Variants in CD8B2 observed in about 807,000 individuals in gnomAD.
CD8B2 encodes the protein T-cell surface glycoprotein CD8 beta-2 chain.
In CD8B2, 11 loss-of-function variants were observed where a neutral mutation model predicts 23.7. That is an observed-to-expected ratio of 0.46 (90% CI 0.29 to 0.77). CD8B2 has a LOEUF of 0.77. CD8B2 is among the 30% of genes least tolerant of loss of function. CD8B2 has a pLI of 0.09. For missense variants in CD8B2, 197 were observed against 270.5 expected, an observed-to-expected ratio of 0.73 and a Z score of 1.91; for synonymous variants, 90 against 109.3, an observed-to-expected ratio of 0.82 and a Z score of 1.10.
chr2:106,490,941 G>A lies in CD8B2; in HGVS notation c.111G>A (p.Val37=). 6.2e-7 allele frequency: 1 copy of A among 1,613,620 alleles called. No homozygotes were observed. Among genetic ancestry groups the A allele is most frequent in the African/African-American group, 1.3e-5 (1 of 75,054 alleles). The stretch of plus-strand genomic sequence containing the variant: ...TAAAGGTGCAAACCAACAAGATGGT[G>A]ATGCTGTCCTGCGAGGCTAAAATCT... ...AYIKVQTNKM[V]MLSCEAKISL... is the part of the protein sequence containing the mutation. Residue 37 remains valine (V), a synonymous_variant, in exon 2 of 6, where the codon GTG becomes GTA. Coordinates refer to ENST00000643224, the MANE Select transcript of CD8B2 (RefSeq NM_001349727.2).
At chr2:106,502,912 A>C (rs1358235560) in intron 4 of CD8B2, among the ~76,000 whole-genome samples, 1 of 151,936 alleles carries the variant, frequency 6.6e-6, no homozygotes, top group Non-Finnish European at 1.5e-5. Flanking sequence ...GGCACTCGGC[A>C]CGTGTCAGTG....
chr2:106,519,700 T>C (rs564349712), intron 5 of CD8B2, among the ~76,000 whole-genome samples: 1 of 152,374 alleles, frequency 6.6e-6, no homozygotes, highest in African/African-American at 2.4e-5. Context: ...TCCAATCTTT[T>C]GGCTTCCCTG....
chr2:106,543,076 C>T (rs1230749318), intron 5 of CD8B2: 1 of 152,306 alleles, frequency 6.6e-6, no homozygotes, highest in Non-Finnish European at 1.5e-5. Flanking sequence ...GCTCTGTTAA[C>T]AGTGTAAAGA....
chr2:106,535,786 G>A (rs78620148), intron 5 of CD8B2, among the ~76,000 whole-genome samples: 4,489 of 152,134 alleles, frequency 0.03, 193 homozygotes, highest in African/African-American at 0.1. Flanking sequence ...TCCAGCTAAT[G>A]GTTTATATAT....
intron 2 of CD8B2, among the ~76,000 whole-genome samples, chr2:106,495,125 C>T (rs1390379086): frequency 6.6e-6 from 1 of 152,200 alleles, no homozygotes. Context: ...CTGTCCCTTT[C>T]ATTCTCAGAT....
chr2:106,541,285 C>T (rs12052460), intron 5 of CD8B2, among the ~76,000 whole-genome samples: 21,340 of 152,090 alleles, frequency 0.14, 1,785 homozygotes, highest in East Asian at 0.3. Context: ...GGTTAGTGAC[C>T]CCCTATGGAA....
chr2:106,544,062 G>T (rs182578595), exon 6 of CD8B2: 3 of 398,448 alleles, frequency 7.5e-6, no homozygotes, highest in Non-Finnish European at 1.3e-5. Context: ...TGCCTGATCC[G>T]CTTTGGTCAA....
At chr2:106,503,766 C>T (rs1364701757) in intron 4 of CD8B2, among the ~76,000 whole-genome samples, 3 of 151,882 alleles carry the variant, frequency 2.0e-5, no homozygotes, top group Non-Finnish European at 4.4e-5. Flanking sequence ...AGACCCCATT[C>T]CTAAAAAAAT....
chr2:106,515,949 A>G (rs886541790), downstream of CD8B2, among the ~76,000 whole-genome samples: 3 of 151,926 alleles, frequency 2.0e-5, no homozygotes, highest in South Asian at 6.2e-4. Flanking sequence ...CAGCCTCCCG[A>G]GTAGGTGGGA....
downstream of CD8B2, among the ~76,000 whole-genome samples, chr2:106,514,310 C>T (rs1679691550): frequency 9.1e-6 from 1 of 109,776 alleles, no homozygotes; most frequent in Admixed American, 1.1e-4. Context: ...TTTTTTGAGA[C>T]ACAGTTTTGC....
intron 5 of CD8B2, among the ~76,000 whole-genome samples, chr2:106,523,911 T>C (rs1381618954): frequency 2.0e-5 from 3 of 152,196 alleles, no homozygotes; most frequent in Non-Finnish European, 4.4e-5. Flanking sequence ...CTGGTGAGTT[T>C]CAGTCCCTTG....
chr2:106,531,834 G>A (rs1194242334), intron 5 of CD8B2, among the ~76,000 whole-genome samples: 2 of 152,202 alleles, frequency 1.3e-5, no homozygotes, highest in Non-Finnish European at 2.9e-5. Flanking sequence ...CTGGGGAGCA[G>A]AGTGTGTGTG....
chr2:106,541,124 G>A (rs571928263), intron 5 of CD8B2, among the ~76,000 whole-genome samples: 1 of 152,252 alleles, frequency 6.6e-6, no homozygotes, highest in African/African-American at 2.4e-5. Context: ...GGCAGGTGTG[G>A]TTTGAGGTAG....
intron 5 of CD8B2, among the ~76,000 whole-genome samples, chr2:106,506,431 C>G (rs1558879150): frequency 6.6e-6 from 1 of 152,142 alleles, no homozygotes; most frequent in African/African-American, 2.4e-5. Flanking sequence ...TCTGGGTTTA[C>G]ACTTACCTGT....
At position 106,526,165 on chromosome 2, in the gene CD8B2, C is replaced by T. The variant is rs1268228436; in HGVS notation, c.621-17827C>T. On this transcript the variant is annotated intron_variant, in intron 5 of 5. Coordinates refer to the CD8B2 transcript ENST00000416057. ...CTGGGGCAGGAGAATCACTTGAACC[C>T]GGGAGGCAGTGGTTTCAGTGAGTGG... 4.0e-5 allele frequency among the ~76,000 whole-genome samples: 6 copies of T among 151,502 alleles called. No individual in the cohort carries two copies. In the South Asian group the frequency reaches 6.3e-4, roughly 16 times the overall value.
At chr2:106,495,188 AG>A (rs1373700857) in intron 2 of CD8B2, among the ~76,000 whole-genome samples, 3 of 152,140 alleles carry the variant, frequency 2.0e-5, no homozygotes, top group Non-Finnish European at 2.9e-5. Context: ...AAGGAAATCA[AG>A]GCACAGAAAA....
intron 1 of CD8B2, among the ~76,000 whole-genome samples, chr2:106,489,260 C>T (rs1318658734): frequency 1.3e-5 from 2 of 151,848 alleles, no homozygotes; most frequent in East Asian, 3.9e-4. Context: ...GCCTCGATCT[C>T]CCAAAGTGCT....
chr2:106,524,459 C>A (rs868364639), intron 5 of CD8B2, among the ~76,000 whole-genome samples: 5 of 152,146 alleles, frequency 3.3e-5, no homozygotes, highest in Non-Finnish European at 7.3e-5. Flanking sequence ...TCAGCCGATT[C>A]CTGAAGCACC....
At chr2:106,493,304 T>G (rs974185004) in intron 2 of CD8B2, among the ~76,000 whole-genome samples, 1 of 152,184 alleles carries the variant, frequency 6.6e-6, no homozygotes, top group African/African-American at 2.4e-5. Flanking sequence ...CTCGAAGTTT[T>G]ATTCCTTTTA....
Sources: allele counts gnomAD v4.1 joint callset (sites outside exome capture counted in the v4.1 genomes callset), GRCh38; gene constraint gnomAD v4.1.1; transcripts MANE v1.5; gene names NCBI Gene and HGNC (gene_info 2026-07-23, HGNC 2026-07-21).